RAB28: variants seen among roughly 807,000 people sequenced by gnomAD.
RAB28 encodes the protein RAB28, member RAS oncogene family, also known as ras-related protein Rab-28.
In RAB28, 24 loss-of-function variants were observed where a neutral mutation model predicts 31.7. The observed-to-expected ratio is 0.76, with a 90% CI of 0.55 to 1.06. The LOEUF is 1.06. RAB28 is among the 50% of genes least tolerant of loss of function. RAB28 has a pLI of 0.00. For missense variants in RAB28, 254 were observed against 258.5 expected, an observed-to-expected ratio of 0.98 and a Z score of 0.12; for synonymous variants, 100 against 90.4, an observed-to-expected ratio of 1.11 and a Z score of -0.60.
intron 4 of RAB28, among the ~76,000 whole-genome samples, chr4:13,416,285 C>G (rs1012266160): frequency 3.4e-4 from 51 of 152,212 alleles, no homozygotes; most frequent in African/African-American, 1.2e-3. Flanking sequence ...AGCTGTAACA[C>G]TCACTGCGAA....
chr4:13,389,161 T>C (rs994283146), intron 4 of RAB28, among the ~76,000 whole-genome samples: 1 of 152,132 alleles, frequency 6.6e-6, no homozygotes, highest in Non-Finnish European at 1.5e-5. Context: ...TGCTACAACA[T>C]GGATGAACCT....
At chr4:13,371,080 C>CTG in intron 6 of RAB28, 1 of 984,568 alleles carries the variant, frequency 1.0e-6, no homozygotes, top group Non-Finnish European at 1.2e-6. Context: ...ATATGAGCTG[C>CTG]TGTGTGTGAC....
chr4:13,420,777 A>G (rs1332395145), intron 4 of RAB28, among the ~76,000 whole-genome samples: 1 of 152,214 alleles, frequency 6.6e-6, no homozygotes, highest in Non-Finnish European at 1.5e-5. Context: ...AGAGCTATTT[A>G]TGACAAACCC....
chr4:13,478,725 A>C (rs2108976436), intron 2 of RAB28, among the ~76,000 whole-genome samples: 1 of 151,842 alleles, frequency 6.6e-6, no homozygotes, highest in South Asian at 2.1e-4. Context: ...ATTGAAATTG[A>C]AAGGACAGCA....
rs567556941 is a variant in RAB28, at chr4:13,484,183, TG to T, written c.-34del. 96 of 1,341,502 alleles carry T rather than the reference TG, an allele frequency of 7.2e-5. No individual in the cohort carries two copies. The highest frequency in any genetic ancestry group is 1.6e-4 in the Admixed American group (7 of 43,128). 83.1% of individuals were successfully genotyped at this position (1,341,502 alleles called of 1,614,324 possible). A position where few individuals can be genotyped will look rare whatever the true frequency, so the allele number is the denominator to read the frequency against. On this transcript the variant is annotated 5_prime_UTR_variant, in exon 1 of 7. Coordinates refer to ENST00000330852, the MANE Select transcript of RAB28 (RefSeq NM_001017979.3). ...CGGGAACCAGGCCCGCCCCTCGAGG[TG>T]GGGGGGGAAGGGAAGGATGAAGGCT... is the stretch of plus-strand genomic sequence containing the variant.
At chr4:13,370,017 A>C in intron 6 of RAB28, 1 of 1,578,328 alleles carries the variant, frequency 6.3e-7, no homozygotes, top group Non-Finnish European at 8.6e-7. Flanking sequence ...ATTAAAAAAA[A>C]AAAGACAAAA....
At chr4:13,472,798 AGT>A (rs1474723210) in intron 3 of RAB28, among the ~76,000 whole-genome samples, 4 of 151,372 alleles carry the variant, frequency 2.6e-5, no homozygotes, top group Admixed American at 2.0e-4. Flanking sequence ...TCTCTAGCTT[AGT>A]ATCCACTTTA....
chr4:13,415,531 C>T (rs1712716968), intron 4 of RAB28, among the ~76,000 whole-genome samples: 1 of 152,150 alleles, frequency 6.6e-6, no homozygotes, highest in Non-Finnish European at 1.5e-5. Flanking sequence ...AGGAGCTTAG[C>T]ACCCAGGCCA....
intron 4 of RAB28, among the ~76,000 whole-genome samples, chr4:13,411,762 T>A (rs73819843): frequency 0.094 from 14,267 of 151,630 alleles, 1,323 homozygotes; most frequent in African/African-American, 0.24. Context: ...GGGGGAAAAA[T>A]AAGTTTTTAA....
At chr4:13,373,820 T>G (rs201118973) in intron 6 of RAB28, among the ~76,000 whole-genome samples, 2 of 152,176 alleles carry the variant, frequency 1.3e-5, no homozygotes, top group African/African-American at 2.4e-5. Context: ...GACTGGTGAG[T>G]CTGCCATTTA....
chr4:13,380,688 T>C (rs994464885), intron 5 of RAB28, among the ~76,000 whole-genome samples: 7 of 152,084 alleles, frequency 4.6e-5, no homozygotes, highest in African/African-American at 1.7e-4. Context: ...ATAGCATGAA[T>C]TTAGTCTTTC....
intron 4 of RAB28, among the ~76,000 whole-genome samples, chr4:13,417,949 C>T (rs930841002): frequency 1.3e-5 from 2 of 152,166 alleles, no homozygotes. Flanking sequence ...TAACAAACTT[C>T]TCTGAGCTAA....
chr4:13,420,898 C>G (rs1345035583), intron 4 of RAB28, among the ~76,000 whole-genome samples: 1 of 152,184 alleles, frequency 6.6e-6, no homozygotes, highest in African/African-American at 2.4e-5. Context: ...GTTGGAAGTT[C>G]TGGCCGAGCA....
chr4:13,471,021 T>A (rs1260293738), intron 3 of RAB28, among the ~76,000 whole-genome samples: 1 of 152,036 alleles, frequency 6.6e-6, no homozygotes, highest in Non-Finnish European at 1.5e-5. Flanking sequence ...AAGAAACAGA[T>A]TGACTAGTTT....
At chr4:13,474,290 A>C (rs1560146826) in intron 3 of RAB28, 28 bp downstream of exon 3, 1 of 1,415,288 alleles carries the variant, frequency 7.1e-7, no homozygotes, top group Non-Finnish European at 9.9e-7. Context: ...TACTTTCAAT[A>C]CTGGAATAAT....
At chr4:13,435,049 AAAAAG>A (rs1714022235) in intron 4 of RAB28, among the ~76,000 whole-genome samples, 1 of 151,426 alleles carries the variant, frequency 6.6e-6, no homozygotes, top group South Asian at 2.1e-4. Context: ...AAGAAAAAGA[AAAAAG>A]AAAACAATAC....
chr4:13,457,176 T>C (rs1715343222), intron 4 of RAB28, among the ~76,000 whole-genome samples: 1 of 152,314 alleles, frequency 6.6e-6, no homozygotes, highest in South Asian at 2.1e-4. Context: ...GTAATGAGTA[T>C]AATAACCCAG....
rs534380507 is a variant in RAB28, at chr4:13,397,304, T to C, written c.392-15710A>G. 6.6e-5 allele frequency among the ~76,000 whole-genome samples: 10 copies of C among 151,964 alleles called. No individual in the cohort carries two copies. The South Asian group carries it at 1.7e-3, about 25-fold the overall frequency. On this transcript the variant is annotated intron_variant, in intron 4 of 6. Coordinates refer to ENST00000330852, the MANE Select transcript of RAB28 (RefSeq NM_001017979.3). Reference sequence around the variant, plus strand: ...ATGACACATACACATATTATGAAAATAGAAAAGCAAGAAAAAGATCAAGAC... The same window carrying C: ...ATGACACATACACATATTATGAAAACAGAAAAGCAAGAAAAAGATCAAGAC...
At chr4:13,471,816 T>C (rs1011364045) in intron 3 of RAB28, among the ~76,000 whole-genome samples, 2 of 152,062 alleles carry the variant, frequency 1.3e-5, no homozygotes, top group Non-Finnish European at 2.9e-5. Context: ...ATAGCAATCA[T>C]TAAGTGTAAA....
Sources: gnomAD v4.1 joint callset for allele counts (sites outside exome capture counted in the v4.1 genomes callset) on GRCh38, gnomAD v4.1.1 for gene constraint, MANE v1.5 for transcripts, NCBI Gene and HGNC (gene_info 2026-07-23, HGNC 2026-07-21) for gene names.